The following ATP2B2 variants were observed in gnomAD, a reference collection of about 807,000 sequenced individuals.
The protein encoded by ATP2B2 is plasma membrane calcium-transporting ATPase 2.
Under a neutral mutation model 120.0 loss-of-function variants are expected in ATP2B2, and 15 were observed. The observed-to-expected ratio is 0.12, with a 90% confidence interval of 0.08 to 0.19. The LOEUF (loss-of-function observed/expected upper bound fraction) is 0.19. Among genes scored for constraint, ATP2B2 ranks in the 10% least tolerant of loss-of-function variants. ATP2B2 has a pLI of 1.00. For missense variants in ATP2B2, 1,045 were observed against 1,719.8 expected, an observed-to-expected ratio of 0.61 and a Z score of 6.94; for synonymous variants, 694 against 700.3, an observed-to-expected ratio of 0.99 and a Z score of 0.14.
intron 2 of ATP2B2, among the ~76,000 whole-genome samples, chr3:10,574,908 C>T (rs2068209155): frequency 6.6e-6 from 1 of 152,104 alleles, no homozygotes; most frequent in South Asian, 2.1e-4. Context: ...TTGGGTTTGT[C>T]TGTCCCTTGC....
intron 1 of ATP2B2, among the ~76,000 whole-genome samples, chr3:10,640,068 G>A (rs746449865): frequency 2.3e-4 from 35 of 152,190 alleles, no homozygotes; most frequent in Non-Finnish European, 4.3e-4. Context: ...AATTAGGATG[G>A]TTGGCCACCC....
intron 1 of ATP2B2, among the ~76,000 whole-genome samples, chr3:10,476,416 G>A: frequency 6.6e-6 from 1 of 152,218 alleles, no homozygotes; most frequent in East Asian, 1.9e-4. Context: ...TTTCAATAAA[G>A]GCCGTGTAGA....
At chr3:10,600,579 A>G (rs1210557431) in intron 2 of ATP2B2, among the ~76,000 whole-genome samples, 2 of 152,208 alleles carry the variant, frequency 1.3e-5, no homozygotes, top group Non-Finnish European at 2.9e-5. Flanking sequence ...GCTTACAGGC[A>G]TTGGCCGTGG....
intron 8 of ATP2B2, among the ~76,000 whole-genome samples, chr3:10,384,806 G>A (rs185258949): frequency 6.6e-6 from 1 of 152,350 alleles, no homozygotes; most frequent in East Asian, 1.9e-4. Context: ...GCTGAATCCC[G>A]GCCTGGGTCC....
intron 1 of ATP2B2, among the ~76,000 whole-genome samples, chr3:10,682,508 T>C (rs1486304991): frequency 3.3e-5 from 5 of 152,222 alleles, no homozygotes; most frequent in Non-Finnish European, 7.3e-5. Flanking sequence ...TGTAGGGCCA[T>C]TGTGATGGTT....
chr3:10,345,651 C>A, intron 17 of ATP2B2, 76 bp from the exon 18 acceptor site: 1 of 1,377,920 alleles, frequency 7.3e-7, no homozygotes, highest in Non-Finnish European at 1.0e-6. Flanking sequence ...ATCCTCACTC[C>A]CTCCACTTCC....
intron 2 of ATP2B2, among the ~76,000 whole-genome samples, chr3:10,426,560 G>A (rs1406103810): frequency 6.6e-6 from 1 of 152,166 alleles, no homozygotes; most frequent in African/African-American, 2.4e-5. Flanking sequence ...GGATGGAGGC[G>A]CCTCCAGCCA....
chr3:10,525,071 G>C (rs2067064727), intron 3 of ATP2B2, among the ~76,000 whole-genome samples: 1 of 152,206 alleles, frequency 6.6e-6, no homozygotes, highest in Non-Finnish European at 1.5e-5. Context: ...CTGGGGCCAA[G>C]GCCAGTGGGA....
intron 1 of ATP2B2, 112 bp from the exon 2 acceptor site, chr3:10,449,974 C>G: frequency 3.2e-6 from 1 of 316,528 alleles, no homozygotes; most frequent in Non-Finnish European, 6.2e-6. Context: ...ACACTGACTA[C>G]ACCCATGCCC....
At chr3:10,365,235 T>C (rs191439619) in intron 12 of ATP2B2, among the ~76,000 whole-genome samples, 14 of 152,342 alleles carry the variant, frequency 9.2e-5, no homozygotes, top group Admixed American at 7.8e-4. Context: ...GGCAGGGCAG[T>C]TGGCCTCATT....
intron 1 of ATP2B2, chr3:10,626,865 G>GACACACACAC (rs36206226): frequency 1.4e-5 from 2 of 142,878 alleles, no homozygotes; most frequent in African/African-American, 5.3e-5. Flanking sequence ...CTGGTAGTGA[G>GACACACACAC]ACACACACAC....
At chr3:10,626,206 G>C (rs1009892629) in intron 1 of ATP2B2, 6 of 152,236 alleles carry the variant, frequency 3.9e-5, no homozygotes, top group Admixed American at 1.3e-4. Context: ...TCCCAGAAGA[G>C]AGAGGCATTG....
At chr3:10,599,753 T>C (rs1207863508) in intron 2 of ATP2B2, among the ~76,000 whole-genome samples, 1 of 135,606 alleles carries the variant, frequency 7.4e-6, no homozygotes, top group Non-Finnish European at 1.5e-5. Flanking sequence ...CAGAACTGCA[T>C]GAGAAAAATA....
At chr3:10,495,154 C>A (rs2125381903) in intron 1 of ATP2B2, among the ~76,000 whole-genome samples, 1 of 152,352 alleles carries the variant, frequency 6.6e-6, no homozygotes, top group East Asian at 1.9e-4. Context: ...ACACCCTGAA[C>A]TTGTCCCCGT....
chr3:10,549,513 C>G (rs1356075241), intron 2 of ATP2B2, among the ~76,000 whole-genome samples: 1 of 152,206 alleles, frequency 6.6e-6, no homozygotes, highest in East Asian at 1.9e-4. Flanking sequence ...GATGGCGACA[C>G]TGGTGCTGAA....
intron 1 of ATP2B2, among the ~76,000 whole-genome samples, chr3:10,660,595 G>A (rs1243013903): frequency 6.6e-6 from 1 of 152,162 alleles, no homozygotes; most frequent in Non-Finnish European, 1.5e-5. Flanking sequence ...CTGAAATTGA[G>A]GCAATAATTA....
chr3:10,513,873 C>A (rs2066824872), intron 3 of ATP2B2, among the ~76,000 whole-genome samples: 1 of 152,060 alleles, frequency 6.6e-6, no homozygotes, highest in Non-Finnish European at 1.5e-5. Context: ...TTAATGGTAG[C>A]CCTGCTTGAT....
chr3:10,623,155 T>C (rs989937155), intron 1 of ATP2B2, among the ~76,000 whole-genome samples: 1 of 149,606 alleles, frequency 6.7e-6, no homozygotes, highest in Non-Finnish European at 1.5e-5. Context: ...CTCAAATTCC[T>C]GGCCTCAAGT....
At chr3:10,705,472 T>C (rs996016966) in intron 1 of ATP2B2, among the ~76,000 whole-genome samples, 5 of 152,242 alleles carry the variant, frequency 3.3e-5, no homozygotes, top group African/African-American at 7.2e-5. Context: ...AAGCTGCCTC[T>C]GATTTTTCCA....
Sources: allele counts gnomAD v4.1 joint callset (sites outside exome capture counted in the v4.1 genomes callset), GRCh38; gene constraint gnomAD v4.1.1; transcripts MANE v1.5; gene names NCBI Gene and HGNC (gene_info 2026-07-23, HGNC 2026-07-21).